NSUN2: variants seen among roughly 807,000 people sequenced by gnomAD.
NSUN2 encodes NOP2/Sun RNA methyltransferase 2, also known as RNA cytosine C(5)-methyltransferase NSUN2.
In NSUN2, 63 loss-of-function variants were observed where a neutral mutation model predicts 92.7. That is an observed-to-expected ratio of 0.68 (90% CI 0.56 to 0.84). The LOEUF is 0.84. NSUN2 is among the 40% of genes least tolerant of loss of function. The pLI is 0.00. For synonymous variants in NSUN2, 356 were observed against 348.3 expected (o/e 1.02, Z -0.25); for missense variants, 989 against 964.9 (o/e 1.02, Z -0.33).
intron 5 of NSUN2, among the ~76,000 whole-genome samples, chr5:6,622,936 C>A (rs1042146828): frequency 6.6e-6 from 1 of 150,584 alleles, no homozygotes; most frequent in Non-Finnish European, 1.5e-5. Flanking sequence ...CATTTTCAAC[C>A]TAATTTAGCC....
chr5:6,606,354 G>T (rs1736769478), intron 14 of NSUN2, among the ~76,000 whole-genome samples: 1 of 152,140 alleles, frequency 6.6e-6, no homozygotes, highest in African/African-American at 2.4e-5. Context: ...CGCGATCTCG[G>T]CTCACTGCAA....
chr5:6,623,121 A>T, intron 5 of NSUN2, 93 bp downstream of exon 5: 1 of 1,027,438 alleles, frequency 9.7e-7, no homozygotes, highest in South Asian at 1.7e-5. Flanking sequence ...AAAAGGACTA[A>T]TTATATTAAG....
In NSUN2 at chr5:6,614,140, T is replaced by C. The variant is rs1330273232; in HGVS notation, c.1022-2342A>G. ...AAAAAAAACCCACAACACACACATA[T>C]AGACAGACATAAAGCCAACTAGAGC... On this transcript the variant is annotated intron_variant, in intron 9 of 18. Coordinates refer to ENST00000264670, the MANE Select transcript of NSUN2 (RefSeq NM_017755.6). Among the ~76,000 whole-genome samples the C allele has an allele frequency of 6.7e-5, 6 of 89,026 alleles. 1 individual carries two copies. Among genetic ancestry groups the C allele is most frequent in the African/African-American group, 2.7e-4 (6 of 22,322 alleles). 58.4% of individuals were successfully genotyped at this position (89,026 alleles called of 152,430 possible).
chr5:6,631,780 T>C, intron 3 of NSUN2, 93 bp downstream of exon 3: 1 of 953,708 alleles, frequency 1.0e-6, no homozygotes, highest in South Asian at 1.5e-5. Context: ...ACCCAAGCTC[T>C]TTAACAGCAA....
At chr5:6,609,633 T>C (rs1422381739) in intron 12 of NSUN2, among the ~76,000 whole-genome samples, 193 bp downstream of exon 12, 5 of 152,178 alleles carry the variant, frequency 3.3e-5, no homozygotes, top group African/African-American at 1.2e-4. Flanking sequence ...CACTTACCTA[T>C]CACCTATGAG....
chr5:6,606,385 G>A (rs922947626), intron 14 of NSUN2, among the ~76,000 whole-genome samples: 4 of 152,112 alleles, frequency 2.6e-5, no homozygotes, highest in African/African-American at 7.2e-5. Flanking sequence ...CCAGGTTCAC[G>A]CCATTCTCCT....
chr5:6,605,857 AT>A (rs35238691), intron 14 of NSUN2, among the ~76,000 whole-genome samples: 86,322 of 151,168 alleles, frequency 0.57, 25,744 homozygotes, highest in Non-Finnish European at 0.67. Flanking sequence ...ACCACACCTA[AT>A]TTTTTTTTGT....
intron 12 of NSUN2, among the ~76,000 whole-genome samples, chr5:6,608,895 A>G (rs1736882771): frequency 6.6e-6 from 1 of 152,226 alleles, no homozygotes; most frequent in East Asian, 1.9e-4. Flanking sequence ...ATTCCATGAA[A>G]ATAACATTCC....
chr5:6,624,649 G>C (rs1056109814), intron 4 of NSUN2, among the ~76,000 whole-genome samples: 1 of 152,154 alleles, frequency 6.6e-6, no homozygotes, highest in African/African-American at 2.4e-5. Flanking sequence ...TACGAAATGG[G>C]GTTATGTGGC....
At chr5:6,617,013 T>TTTATA (rs966458845) in intron 8 of NSUN2, among the ~76,000 whole-genome samples, 156 bp from the exon 9 acceptor site, 1 of 152,178 alleles carries the variant, frequency 6.6e-6, no homozygotes, top group Non-Finnish European at 1.5e-5. Context: ...TAGAGTAAAC[T>TTTATA]TATATAAAGT....
rs758978531 is a variant in NSUN2, at chr5:6,609,343, T to C, written c.1323+483A>G. On this transcript the variant is annotated intron_variant, in intron 12 of 18. Transcript: ENST00000264670. ...GCCTTGGAAAGGAACCAGCAGGCAGTTTAGATCCATAGCAAACAGGCCGGG... is the reference window on the plus strand; with the variant it reads ...GCCTTGGAAAGGAACCAGCAGGCAGCTTAGATCCATAGCAAACAGGCCGGG... 1.2e-4 allele frequency among the ~76,000 whole-genome samples: 19 copies of C among 152,270 alleles called. No homozygotes were observed. In the Middle Eastern group the frequency reaches 0.014, roughly 109 times the overall value.
At chr5:6,612,421 G>A (rs566387082) in intron 9 of NSUN2, among the ~76,000 whole-genome samples, 120 of 152,302 alleles carry the variant, frequency 7.9e-4, no homozygotes, top group Non-Finnish European at 1.5e-3. Flanking sequence ...GACACAGTCA[G>A]CCCAGTTTTA....
chr5:6,632,400 G>C (rs964961940), intron 2 of NSUN2, among the ~76,000 whole-genome samples, 199 bp downstream of exon 2: 6 of 151,994 alleles, frequency 3.9e-5, no homozygotes, highest in Admixed American at 2.6e-4. Context: ...TTTTCATTTC[G>C]TCTTCTAACC....
chr5:6,615,099 G>C (rs1371170119), intron 9 of NSUN2, among the ~76,000 whole-genome samples: 3 of 151,994 alleles, frequency 2.0e-5, no homozygotes, highest in African/African-American at 7.3e-5. Flanking sequence ...CCCAAGTCAA[G>C]AAAGCTGCTC....
At chr5:6,611,425 A>G (rs1736983352) in intron 10 of NSUN2, among the ~76,000 whole-genome samples, 1 of 133,042 alleles carries the variant, frequency 7.5e-6, no homozygotes, top group Admixed American at 8.4e-5. Context: ...TATTGGAAAC[A>G]AGGCTTGAAT....
rs758842622 is a variant in NSUN2, at chr5:6,622,038, G to A, written c.600C>T (p.Ala200=). ...KTTQLIEMLH[A]DMNVPFPEGF... is the part of the protein sequence containing the mutation. ...TACCTGGAAAGGGGACATTCATGTC[G>A]GCATGTAGCATTTCAATTAACTGTG... The change falls in exon 6 of 19, where the codon GCC becomes GCT. Residue 200 remains alanine (A), a synonymous_variant. Coordinates refer to ENST00000264670, the MANE Select transcript of NSUN2 (RefSeq NM_017755.6). 12 of 1,613,840 alleles carry A rather than the reference G, an allele frequency of 7.4e-6. No individual in the cohort carries two copies. The highest frequency in any genetic ancestry group is 6.7e-5 in the East Asian group (3 of 44,888).
chr5:6,630,118 G>A (rs1737816656), intron 3 of NSUN2, among the ~76,000 whole-genome samples: 2 of 152,170 alleles, frequency 1.3e-5, no homozygotes, highest in Non-Finnish European at 1.5e-5. Flanking sequence ...CCAGGAGGAA[G>A]AAAAGCTTGA....
chr5:6,621,977 T>C, intron 6 of NSUN2, 39 bp downstream of exon 6: 6 of 1,532,688 alleles, frequency 3.9e-6, no homozygotes, highest in East Asian at 2.3e-5. Flanking sequence ...TCTGCCAAAG[T>C]GGCATTCCTA....
At chr5:6,612,243 G>A (rs927226432) in intron 9 of NSUN2, among the ~76,000 whole-genome samples, 1 of 152,216 alleles carries the variant, frequency 6.6e-6, no homozygotes, top group Admixed American at 6.5e-5. Flanking sequence ...AGGCTGGGCT[G>A]CAGGACGCCT....
Sources: allele counts gnomAD v4.1 joint callset (sites outside exome capture counted in the v4.1 genomes callset), GRCh38; gene constraint gnomAD v4.1.1; transcripts MANE v1.5; gene names NCBI Gene and HGNC (gene_info 2026-07-23, HGNC 2026-07-21).